Variants in RASSF6 observed in about 807,000 individuals in gnomAD.
RASSF6 encodes the protein ras association domain-containing protein 6.
A neutral mutation model predicts 44.0 loss-of-function variants in RASSF6; 52 were observed. The observed-to-expected ratio is 1.18, with a 90% CI of 0.95 to 1.49. The LOEUF (loss-of-function observed/expected upper bound fraction) is 1.49. Ranked by LOEUF, RASSF6 falls within the 40% of genes most tolerant of loss-of-function variation. The pLI is 0.00. For synonymous variants in RASSF6, 162 were observed against 124.6 expected (o/e 1.30, Z -2.00); for missense variants, 464 against 393.3 (o/e 1.18, Z -1.52).
intron 1 of RASSF6, among the ~76,000 whole-genome samples, chr4:73,614,984 G>T (rs533256177): frequency 6.6e-6 from 1 of 152,068 alleles, no homozygotes; most frequent in East Asian, 1.9e-4. Context: ...ACATGCTTTG[G>T]TAAAAGTCCC....
intron 6 of RASSF6, 68 bp downstream of exon 6, chr4:73,585,112 G>T: frequency 9.4e-7 from 1 of 1,067,820 alleles, no homozygotes; most frequent in Non-Finnish European, 1.3e-6. Context: ...GAATTGAATT[G>T]GGTGGTATTG....
intron 1 of RASSF6, among the ~76,000 whole-genome samples, chr4:73,618,906 C>T (rs193175166): frequency 6.6e-6 from 1 of 152,148 alleles, no homozygotes; most frequent in Non-Finnish European, 1.5e-5. Flanking sequence ...ACATTAATAA[C>T]TAACAACATT....
chr4:73,581,013 C>T (rs980499396), intron 8 of RASSF6, among the ~76,000 whole-genome samples: 3 of 151,680 alleles, frequency 2.0e-5, no homozygotes, highest in Non-Finnish European at 2.9e-5. Flanking sequence ...TTAGGTCTAA[C>T]GTTTAAGTCT....
intron 6 of RASSF6, 43 bp downstream of exon 6, chr4:73,585,137 A>C: frequency 7.2e-7 from 1 of 1,379,808 alleles, no homozygotes; most frequent in Non-Finnish European, 9.9e-7. Context: ...TGAAACAGGG[A>C]ACCTTATTTT....
chr4:73,591,260 T>C (rs879264679), intron 4 of RASSF6, among the ~76,000 whole-genome samples: 13 of 152,182 alleles, frequency 8.5e-5, no homozygotes, highest in Non-Finnish European at 1.8e-4. Context: ...ATTTATAGAA[T>C]TATTATTTGT....
Position 73,585,233 on chromosome 4 carries a change from T to G in RASSF6, c.514A>C (p.Lys172Gln). 2 of 1,612,550 alleles carry G rather than the reference T, an allele frequency of 1.2e-6. No homozygotes were observed. Among genetic ancestry groups the G allele is most frequent in the Non-Finnish European group, 1.7e-6 (2 of 1,179,136 alleles). Residue 172 changes from lysine (K) to glutamine (Q), a missense_variant, in exon 6 of 11, where the codon AAA (lysine) becomes CAA (glutamine). Transcript: ENST00000307439. ...KRMKPLMMDRKERQKNRASIN... is the reference protein window; with the variant it reads ...KRMKPLMMDRQERQKNRASIN... ...GAGGCTCTATTTTTCTGTCTTTCTT[T>G]TCTGTCCATCATCAGAGGCTTCATC...
intron 4 of RASSF6, among the ~76,000 whole-genome samples, chr4:73,589,144 T>G (rs16849717): frequency 0.1 from 15,752 of 152,126 alleles, 962 homozygotes; most frequent in East Asian, 0.21. Flanking sequence ...AGCCTTATGA[T>G]GTAGAGAAGG....
chr4:73,617,750 A>G (rs1726453555), intron 1 of RASSF6, among the ~76,000 whole-genome samples: 1 of 152,370 alleles, frequency 6.6e-6, no homozygotes, highest in South Asian at 2.1e-4. Flanking sequence ...TGATGAAATC[A>G]CTATAATTTA....
chr4:73,620,464 C>A, upstream of RASSF6: 1 of 1,547,156 alleles, frequency 6.5e-7, no homozygotes, highest in Non-Finnish European at 8.7e-7. Flanking sequence ...GAGGCCCGCG[C>A]GGGCGCAGGG....
At position 73,572,232 on chromosome 4, in the gene RASSF6, T is replaced by C. The variant is rs1412067981; in HGVS notation, c.*4003A>G. The stretch of plus-strand genomic sequence containing the variant: ...GTCTCAGTTCTTCATCATGTAGGTC[T>C]TTCCAGGGCTGCTCAGGACATGGCA... On this transcript the variant is annotated 3_prime_UTR_variant, in exon 11 of 11. Coordinates refer to ENST00000307439, the MANE Select transcript of RASSF6 (RefSeq NM_177532.5). 6.6e-6 allele frequency: 1 copy of C among 152,152 alleles called. No homozygotes were observed. The highest frequency in any genetic ancestry group is 2.4e-5 in the African/African-American group (1 of 41,408). The allele number at this position is 152,152 out of a possible 1,614,324, so 9.4% of individuals were successfully genotyped here. A position where few individuals can be genotyped will look rare whatever the true frequency, so the allele number is the denominator to read the frequency against.
intron 3 of RASSF6, 59 bp from the exon 4 acceptor site, chr4:73,593,652 T>C: frequency 1.3e-6 from 2 of 1,529,754 alleles, no homozygotes; most frequent in Non-Finnish European, 1.8e-6. Context: ...ACGGTAAATG[T>C]TTTAACGAAG....
chr4:73,587,608 T>C lies in RASSF6; in HGVS notation c.382+232A>G, dbSNP rs550061915. 7.2e-5 allele frequency among the ~76,000 whole-genome samples: 11 copies of C among 152,014 alleles called. 1 individual carries two copies. Among genetic ancestry groups the C allele is most frequent in the Non-Finnish European group, 1.5e-4 (10 of 67,934 alleles). ...ATAAATCTAAGTGACATAATATAAT[T>C]TTTTTAAGAATTATATTTTTATATA... On this transcript the variant is annotated intron_variant, in intron 5 of 10. Coordinates refer to ENST00000307439, the MANE Select transcript of RASSF6 (RefSeq NM_177532.5).
At chr4:73,585,126 G>T in intron 6 of RASSF6, 54 bp downstream of exon 6, 1 of 1,290,760 alleles carries the variant, frequency 7.7e-7, no homozygotes, top group Non-Finnish European at 1.1e-6. Flanking sequence ...GGTATTGTTA[G>T]TGAAACAGGG....
rs376332028 is a variant in RASSF6 at position 73,593,451 on chromosome 4, C to G, written c.287G>C (p.Gly96Ala). 224 of 1,599,040 alleles carry G rather than the reference C, an allele frequency of 1.4e-4. No homozygotes were observed. The highest frequency in any genetic ancestry group is 1.8e-4 in the Non-Finnish European group (216 of 1,175,294). The change falls in exon 4 of 11, where the codon GGA becomes GCA. Residue 96 changes from glycine (G) to alanine (A), a missense_variant and splice_region_variant. Transcript: ENST00000307439. ...ATTAAAAACATGAAAGATAGCTTAC[C>G]CTTTGCTGGAGAAGACGTCTGATGA... ...MKSSDVFSSK[G>A]MTRWGEFDDL...
intron 2 of RASSF6, among the ~76,000 whole-genome samples, chr4:73,609,203 T>G (rs1329856186): frequency 1.3e-5 from 2 of 152,212 alleles, no homozygotes; most frequent in Non-Finnish European, 2.9e-5. Flanking sequence ...TCCATTAATT[T>G]TTTTTTAAAT....
At chr4:73,594,578 C>T (rs1724806933) in intron 3 of RASSF6, among the ~76,000 whole-genome samples, 1 of 152,188 alleles carries the variant, frequency 6.6e-6, no homozygotes, top group Non-Finnish European at 1.5e-5. Flanking sequence ...CAGCGCCTGG[C>T]ATTCAATAGG....
At chr4:73,596,959 T>C (rs1724979308) in intron 3 of RASSF6, among the ~76,000 whole-genome samples, 3 of 152,290 alleles carry the variant, frequency 2.0e-5, no homozygotes, top group Admixed American at 6.5e-5. Flanking sequence ...TTACACCATA[T>C]ACAAAAATTA....
chr4:73,618,664 T>C (rs1249863526), intron 1 of RASSF6, among the ~76,000 whole-genome samples: 1 of 152,060 alleles, frequency 6.6e-6, no homozygotes, highest in Non-Finnish European at 1.5e-5. Flanking sequence ...TTCAGTTAGG[T>C]TGGGTTTAGA....
chr4:73,576,342 A>C lies in RASSF6; in HGVS notation c.939-32T>G, dbSNP rs1243894517. ...ATGAGAAGAAGAAAGACTATTAAAA[A>C]TTGGACATATTTTGTGCATTGGACA... On this transcript the variant is annotated intron_variant, in intron 10 of 10. Transcript: ENST00000307439. 2.7e-6 allele frequency: 4 copies of C among 1,500,542 alleles called. No individual in the cohort carries two copies. The South Asian group carries it at 4.7e-5, about 18-fold the overall frequency. The allele number at this position is 1,500,542 out of a possible 1,614,324, so 93.0% of individuals were successfully genotyped here.
Sources: allele counts gnomAD v4.1 joint callset (sites outside exome capture counted in the v4.1 genomes callset), GRCh38; gene constraint gnomAD v4.1.1; transcripts MANE v1.5; gene names NCBI Gene and HGNC (gene_info 2026-07-23, HGNC 2026-07-21).